The following DNAJB8 variants were observed in gnomAD, a reference collection of about 807,000 sequenced individuals.
DNAJB8 encodes DnaJ heat shock protein family (Hsp40) member B8, also known as dnaJ homolog subfamily B member 8.
For missense variants in DNAJB8, 354 were observed against 318.9 expected (o/e 1.11, Z -0.84); for synonymous variants, 127 against 127.1 (o/e 1.00, Z 0.00).
Position 128,462,503 on chromosome 3 carries a change from T to G in DNAJB8, c.*44A>C, listed in dbSNP as rs201361463. 4 of 1,562,794 alleles carry G rather than the reference T, an allele frequency of 2.6e-6. No individual in the cohort carries two copies. In the African/African-American group the frequency reaches 5.4e-5, roughly 21 times the overall value. On this transcript the variant is annotated 3_prime_UTR_variant, in exon 3 of 3. Transcript: ENST00000319153. ...GCGGCCCCACGTGTTTGCTGCCCCATGCACGGTGGTGGTGGTGGGAAGGCA... is the reference window on the plus strand; with the variant it reads ...GCGGCCCCACGTGTTTGCTGCCCCAGGCACGGTGGTGGTGGTGGGAAGGCA...
chr3:128,462,658 G>C lies in DNAJB8; in HGVS notation c.588C>G (p.Thr196=), dbSNP rs1194683905. 1.2e-6 allele frequency: 2 copies of C among 1,613,872 alleles called. No homozygotes were observed. Among genetic ancestry groups the C allele is most frequent in the Non-Finnish European group, 1.7e-6 (2 of 1,180,020 alleles). Residue 196 remains threonine, a synonymous_variant, in exon 3 of 3, where the codon ACC becomes ACG. Transcript: ENST00000319153. ...TEMINGHKVT[T]KRIVENGQER... is the part of the protein sequence containing the mutation. The stretch of plus-strand genomic sequence containing the variant: ...CCTGCCCGTTCTCCACGATGCGCTT[G>C]GTGGTGACCTTGTGGCCATTGATCA...
chr3:128,464,301 GT>G (rs887094509), intron 2 of DNAJB8, among the ~76,000 whole-genome samples, 191 bp from the exon 3 acceptor site: 3 of 152,344 alleles, frequency 2.0e-5, no homozygotes, highest in African/African-American at 7.2e-5. Flanking sequence ...GATTATCTGA[GT>G]GGGCCCTAAA....
rs2068477313 is a variant in DNAJB8 at position 128,462,848 on chromosome 3, G to T, written c.398C>A (p.Ala133Asp). The change falls in exon 3 of 3, where the codon GCC (alanine) becomes GAC (aspartate). Residue 133 changes from alanine (A) to aspartate (D), a missense_variant. Ala to Asp is a moderately radical substitution (Grantham distance 126). Transcript: ENST00000319153. Reference sequence around the variant, plus strand: ...AAATTCTCCAAAGCCTGCCGAGAAGGCCCCCCTCAGGCCATGGCCCCGGCC... The same window carrying T: ...AAATTCTCCAAAGCCTGCCGAGAAGTCCCCCCTCAGGCCATGGCCCCGGCC... ...RGGRGHGLRG[A>D]FSAGFGEFPA... The T allele has an allele frequency of 5.0e-6, 8 of 1,614,134 alleles. No homozygotes were observed. The highest frequency in any genetic ancestry group is 6.8e-6 in the Non-Finnish European group (8 of 1,180,004).
chr3:128,462,870 G>C lies in DNAJB8; in HGVS notation c.376C>G (p.Arg126Gly). The change falls in exon 3 of 3, where the codon CGG becomes GGG. Residue 126 changes from arginine to glycine, a missense_variant. Physicochemically the swap from Arg to Gly is moderately radical, Grantham distance 125 (BLOSUM62 -2). Transcript: ENST00000319153. ...DSPFNSDRGGRGHGLRGAFSA... is the reference protein window; with the variant it reads ...DSPFNSDRGGGGHGLRGAFSA... ...AAGGCCCCCCTCAGGCCATGGCCCC[G>C]GCCACCACGGTCACTATTGAATGGG... The C allele has an allele frequency of 6.2e-7, 1 of 1,614,156 alleles. No homozygotes were observed. The highest frequency in any genetic ancestry group is 8.5e-7 in the Non-Finnish European group (1 of 1,180,034).
chr3:128,465,779 C>A (rs1459362998), intron 1 of DNAJB8: 1 of 151,866 alleles, frequency 6.6e-6, no homozygotes, highest in Admixed American at 6.6e-5. Flanking sequence ...TAACAGCGAG[C>A]CTTTGTTGTG....
intron 2 of DNAJB8, among the ~76,000 whole-genome samples, 157 bp from the exon 3 acceptor site, chr3:128,464,267 G>A (rs926661586): frequency 3.9e-5 from 6 of 152,218 alleles, no homozygotes; most frequent in African/African-American, 1.4e-4. Flanking sequence ...ATTAAATTAA[G>A]GATGTCGAGA....
chr3:128,462,910 AAAG>A lies in DNAJB8; in HGVS notation c.333_335del (p.Phe112del). The A allele has an allele frequency of 6.2e-7, 1 of 1,613,994 alleles. No homozygotes were observed. The highest frequency in any genetic ancestry group is 8.5e-7 in the Non-Finnish European group (1 of 1,179,936). On this transcript the variant is annotated inframe_deletion, in exon 3 of 3. Coordinates refer to ENST00000319153, the MANE Select transcript of DNAJB8 (RefSeq NM_153330.6). ...TATTGAATGGGCTGTCCCAGAACTC[AAAG>A]GAGAAAGGGTCCAGGCCACCAAAAA...
In DNAJB8 at chr3:128,463,026, G is replaced by T. The variant is rs149526532; in HGVS notation, c.220C>A (p.Arg74=). ...LYDRAGCDSW[R]AGGGASTPYH... is the part of the protein sequence containing the mutation. ...GGCGTGCTGGCCCCGCCACCAGCCC[G>T]CCAGCTGTCACAGCCAGCACGGTCA... The change falls in exon 3 of 3, where the codon CGG becomes AGG. Residue 74 remains arginine, a synonymous_variant. Coordinates refer to ENST00000319153, the MANE Select transcript of DNAJB8 (RefSeq NM_153330.6). The T allele has an allele frequency of 6.2e-7, 1 of 1,614,088 alleles. No homozygotes were observed. The highest frequency in any genetic ancestry group is 8.5e-7 in the Non-Finnish European group (1 of 1,180,002).
chr3:128,462,771 C>G lies in DNAJB8; in HGVS notation c.475G>C (p.Gly159Arg). The change falls in exon 3 of 3, where the codon GGC becomes CGC. Residue 159 changes from glycine (G) to arginine (R), a missense_variant. Coordinates refer to ENST00000319153, the MANE Select transcript of DNAJB8 (RefSeq NM_153330.6). ...SSFNMLGCSG[G>R]SHTTFSSTSF... ...GTGGATGAGAAGGTGGTGTGGCTGC[C>G]CCCGCTGCAGCCCAGCATGTTGAAG... is the stretch of plus-strand genomic sequence containing the variant. The G allele has an allele frequency of 6.2e-7, 1 of 1,614,118 alleles. No homozygotes were observed. Among genetic ancestry groups the G allele is most frequent in the Non-Finnish European group, 8.5e-7 (1 of 1,180,022 alleles).
chr3:128,464,713 G>A (rs2068498161), intron 2 of DNAJB8, among the ~76,000 whole-genome samples: 1 of 151,188 alleles, frequency 6.6e-6, no homozygotes, highest in Admixed American at 6.6e-5. Context: ...GAGCCTAGAT[G>A]TTTGGGTCAC....
chr3:128,462,437 T>C lies in DNAJB8; in HGVS notation c.*110A>G. ...CCACAAAGCTGAGAAAGCTATGCCA[T>C]GAACTCACTTGGCACATTTATTAAC... On this transcript the variant is annotated 3_prime_UTR_variant, in exon 3 of 3. Transcript: ENST00000319153. 1 of 1,221,122 alleles carries C rather than the reference T, an allele frequency of 8.2e-7. No individual in the cohort carries two copies. Among genetic ancestry groups the C allele is most frequent in the Non-Finnish European group, 1.1e-6 (1 of 874,750 alleles). The allele number at this position is 1,221,122 out of a possible 1,614,324, so 75.6% of individuals were successfully genotyped here.
At position 128,463,209 on chromosome 3, in the gene DNAJB8, T is replaced by A. The variant is rs761822524; in HGVS notation, c.37A>T (p.Ser13Cys). Residue 13 changes from serine (S) to cysteine (C), a missense_variant, in exon 3 of 3, where the codon AGC becomes TGC. Physicochemically the swap from Ser to Cys is moderately radical, Grantham distance 112. Coordinates refer to ENST00000319153, the MANE Select transcript of DNAJB8 (RefSeq NM_153330.6). ...NYYEVLGVQA[S>C]ASPEDIKKAY... The stretch of plus-strand genomic sequence containing the variant: ...TTCTTGATGTCCTCCGGGGAAGCGC[T>A]GGCCTGCACGCCCAGCACTTCGTAG... The A allele has an allele frequency of 1.2e-6, 2 of 1,614,000 alleles. No individual in the cohort carries two copies. Among genetic ancestry groups the A allele is most frequent in the Admixed American group, 3.3e-5 (2 of 60,028 alleles).
chr3:128,465,219 C>T (rs113269547), intron 2 of DNAJB8, 57 bp downstream of exon 2: 8,970 of 152,364 alleles, frequency 0.059, 497 homozygotes, highest in East Asian at 0.17. Flanking sequence ...CATCGCTGTC[C>T]CTCCATGCAG....
In DNAJB8 at chr3:128,462,762, T is replaced by C; in HGVS notation, c.484A>G (p.Thr162Ala). Residue 162 changes from threonine (T) to alanine (A), a missense_variant, in exon 3 of 3, where the codon ACC (threonine) becomes GCC (alanine). Thr to Ala is a moderately conservative substitution (Grantham distance 58). Transcript: ENST00000319153. ...CCGAAGGAGGTGGATGAGAAGGTGG[T>C]GTGGCTGCCCCCGCTGCAGCCCAGC... is the stretch of plus-strand genomic sequence containing the variant. ...NMLGCSGGSH[T>A]TFSSTSFGGS... The C allele has an allele frequency of 1.2e-6, 2 of 1,614,100 alleles. No individual in the cohort carries two copies. The highest frequency in any genetic ancestry group is 1.7e-6 in the Non-Finnish European group (2 of 1,180,022).
At position 128,463,562 on chromosome 3, in the gene DNAJB8, C is replaced by G. The variant is rs914177745; in HGVS notation, c.-317G>C. On this transcript the variant is annotated 5_prime_UTR_variant, in exon 3 of 3. Transcript: ENST00000319153. ...CAGCTCCCGGGGCGGGGCATACCCC[C>G]GCCCCCAGCTCCTCACCAGGCAAAC... 1 of 226,206 alleles carries G rather than the reference C, an allele frequency of 4.4e-6. No homozygotes were observed. Among genetic ancestry groups the G allele is most frequent in the East Asian group, 1.1e-4 (1 of 9,146 alleles). The allele number at this position is 226,206 out of a possible 1,614,324, so 14.0% of individuals were successfully genotyped here. A position where few individuals can be genotyped will look rare whatever the true frequency, so the allele number is the denominator to read the frequency against.
At position 128,465,531 on chromosome 3, in the gene DNAJB8, G is replaced by C. The variant is rs532084385; in HGVS notation, c.-1026-95C>G. 3.3e-5 allele frequency: 5 copies of C among 152,710 alleles called. No homozygotes were observed. The South Asian group carries it at 8.3e-4, about 25-fold the overall frequency. The allele number at this position is 152,710 out of a possible 1,614,324, so 9.5% of individuals were successfully genotyped here. ...CTGTTGACTGTGTTGCTGGTGGGGA[G>C]AGGCACGGTGGGTGTCCATGGAGAT... On this transcript the variant is annotated intron_variant, in intron 1 of 2. Transcript: ENST00000319153.
intron 1 of DNAJB8, chr3:128,465,870 A>G: frequency 6.6e-6 from 1 of 152,424 alleles, no homozygotes; most frequent in Non-Finnish European, 1.5e-5. Flanking sequence ...GGCAGTGGTG[A>G]CAGTAATGGT....
Position 128,462,752 on chromosome 3 carries a change from G to A in DNAJB8, c.494C>T (p.Ser165Leu), listed in dbSNP as rs1025782669. The A allele has an allele frequency of 1.2e-6, 2 of 1,614,182 alleles. No homozygotes were observed. Among genetic ancestry groups the A allele is most frequent in the Non-Finnish European group, 1.7e-6 (2 of 1,180,050 alleles). ...GCSGGSHTTF[S>L]STSFGGSSSG... is the part of the protein sequence containing the mutation. Reference sequence around the variant, plus strand: ...ACTGGAGCCCCCGAAGGAGGTGGATGAGAAGGTGGTGTGGCTGCCCCCGCT... The same window carrying A: ...ACTGGAGCCCCCGAAGGAGGTGGATAAGAAGGTGGTGTGGCTGCCCCCGCT... Residue 165 changes from serine (S) to leucine (L), a missense_variant, in exon 3 of 3, where the codon TCA becomes TTA. Transcript: ENST00000319153.
Position 128,462,695 on chromosome 3 carries a change from G to A in DNAJB8, c.551C>T (p.Ser184Leu), listed in dbSNP as rs140414363. The stretch of plus-strand genomic sequence containing the variant: ...GTGGCCATTGATCATCTCGGTGGAC[G>A]ACATCACCGACTTGAACCCCGAGCT... ...SGSSGFKSVMSSTEMINGHKV... is the reference protein window; with the variant it reads ...SGSSGFKSVMLSTEMINGHKV... Residue 184 changes from serine (S) to leucine (L), a missense_variant, in exon 3 of 3, where the codon TCG (serine) becomes TTG (leucine). Coordinates refer to ENST00000319153, the MANE Select transcript of DNAJB8 (RefSeq NM_153330.6). The A allele has an allele frequency of 9.9e-6, 16 of 1,613,706 alleles. No individual in the cohort carries two copies. The highest frequency in any genetic ancestry group is 8.9e-5 in the East Asian group (4 of 44,870).
Sources: gnomAD v4.1 joint callset for allele counts (sites outside exome capture counted in the v4.1 genomes callset) on GRCh38, gnomAD v4.1.1 for gene constraint, MANE v1.5 for transcripts, NCBI Gene and HGNC (gene_info 2026-07-23, HGNC 2026-07-21) for gene names.